The following DENND4A variants were observed in gnomAD, a reference collection of about 807,000 sequenced individuals.
DENND4A encodes C-myc promoter-binding protein.
A neutral mutation model predicts 199.3 loss-of-function variants in DENND4A; 70 were observed. The ratio of observed to expected loss-of-function variants is 0.35; its 90% CI spans 0.29 to 0.43. The LOEUF (loss-of-function observed/expected upper bound fraction) is 0.43. Ranked by LOEUF, DENND4A falls within the 20% of genes least tolerant of loss-of-function variation. The probability of loss-of-function intolerance (pLI) is 1.00; values close to 1 mark genes in which losing one functional copy is unlikely to be tolerated. For missense variants in DENND4A, 1,723 were observed against 2,255.8 expected (o/e 0.76, Z 4.78); for synonymous variants, 686 against 766.9 (o/e 0.89, Z 1.74).
At chr15:65,686,161 G>A (rs1180109916) in intron 23 of DENND4A, among the ~76,000 whole-genome samples, 2 of 152,110 alleles carry the variant, frequency 1.3e-5, no homozygotes, top group Admixed American at 6.5e-5. Context: ...CATGAACATG[G>A]CATGTCTCTC....
intron 24 of DENND4A, among the ~76,000 whole-genome samples, chr15:65,675,659 T>C (rs2076350932): frequency 1.3e-5 from 2 of 152,072 alleles, no homozygotes; most frequent in African/African-American, 4.8e-5. Context: ...CAACTTCATT[T>C]ATAAGAGAAA....
At chr15:65,781,702 C>T (rs956925405) in intron 1 of DENND4A, among the ~76,000 whole-genome samples, 2 of 151,986 alleles carry the variant, frequency 1.3e-5, no homozygotes, top group African/African-American at 4.8e-5. Context: ...GAAGTGAAGG[C>T]GATAAATAAA....
At chr15:65,676,857 A>G (rs78048250) in intron 23 of DENND4A, among the ~76,000 whole-genome samples, 5,462 of 152,312 alleles carry the variant, frequency 0.036, 329 homozygotes, top group African/African-American at 0.12. Context: ...TAGTTACAGC[A>G]AAGTATATAC....
chr15:65,746,723 A>C (rs1468491631), intron 4 of DENND4A, among the ~76,000 whole-genome samples: 1 of 151,846 alleles, frequency 6.6e-6, no homozygotes, highest in Non-Finnish European at 1.5e-5. Flanking sequence ...AAATGCTGAC[A>C]TTCTTGGACA....
At chr15:65,775,641 A>AAAG (rs2077265583) in intron 1 of DENND4A, among the ~76,000 whole-genome samples, 1 of 147,184 alleles carries the variant, frequency 6.8e-6, no homozygotes, top group Non-Finnish European at 1.5e-5. Flanking sequence ...ACTCCTCAAA[A>AAAG]AAAAAAAAAA....
chr15:65,737,349 G>A (rs1370552716), intron 7 of DENND4A, among the ~76,000 whole-genome samples: 3 of 151,978 alleles, frequency 2.0e-5, no homozygotes, highest in Non-Finnish European at 4.4e-5. Context: ...GTGAACTATT[G>A]CACTCAGCCC....
chr15:65,748,750 G>C (rs1229488606), intron 4 of DENND4A, among the ~76,000 whole-genome samples: 1 of 151,986 alleles, frequency 6.6e-6, no homozygotes, highest in African/African-American at 2.4e-5. Context: ...AGCACTTTGG[G>C]GGACTGAAGA....
chr15:65,695,325 G>A (rs1291357505), intron 22 of DENND4A, among the ~76,000 whole-genome samples: 2 of 152,132 alleles, frequency 1.3e-5, no homozygotes, highest in Non-Finnish European at 2.9e-5. Context: ...GTAAATGAAT[G>A]AGCATGTCTG....
chr15:65,669,633 C>A, intron 27 of DENND4A, 146 bp downstream of exon 27: 1 of 675,738 alleles, frequency 1.5e-6, no homozygotes, highest in Non-Finnish European at 2.4e-6. Context: ...AATTTTAACA[C>A]TGTTTTAAGA....
In DENND4A at chr15:65,756,445, A is replaced by C; in HGVS notation, c.6T>G (p.Ile2Met). 6.2e-7 allele frequency: 1 copy of C among 1,603,376 alleles called. No homozygotes were observed. Among genetic ancestry groups the C allele is most frequent in the Non-Finnish European group, 8.5e-7 (1 of 1,175,810 alleles). The change falls in exon 3 of 33, where the codon ATT becomes ATG. Residue 2 changes from isoleucine to methionine, a missense_variant. Physicochemically the swap from Ile to Met is conservative, Grantham distance 10. Coordinates refer to ENST00000443035, the MANE Select transcript of DENND4A (RefSeq NM_001320835.1). M[I>M]EDKGPRVADY... is the part of the protein sequence containing the mutation. ...CAGCAACACGAGGCCCCTTGTCTTC[A>C]ATCATCTTCCATTACAGAAGGTTAC...
chr15:65,683,889 A>G (rs1019486310), intron 23 of DENND4A, among the ~76,000 whole-genome samples: 7 of 152,178 alleles, frequency 4.6e-5, no homozygotes, highest in Admixed American at 1.3e-4. Flanking sequence ...GTTAATCTCC[A>G]TTGCCTTCCT....
chr15:65,748,664 A>T (rs1218524431), intron 4 of DENND4A, among the ~76,000 whole-genome samples: 1 of 151,430 alleles, frequency 6.6e-6, no homozygotes, highest in Non-Finnish European at 1.5e-5. Flanking sequence ...AAAAAGAAAG[A>T]AAGAAATTAA....
intron 23 of DENND4A, among the ~76,000 whole-genome samples, chr15:65,689,447 G>A (rs1424202418): frequency 4.6e-5 from 7 of 152,134 alleles, no homozygotes; most frequent in Non-Finnish European, 1.0e-4. Context: ...TCCAGAAAAG[G>A]TACAATCTTT....
rs545750697 is a variant in DENND4A, at chr15:65,683,716, G to C, written c.4179+6699C>G. Among the ~76,000 whole-genome samples, 188 of 152,238 alleles carry C rather than the reference G, an allele frequency of 1.2e-3. 2 individuals carry two copies. The highest frequency in any genetic ancestry group is 4.4e-3 in the African/African-American group (181 of 41,538). On this transcript the variant is annotated intron_variant, in intron 23 of 32. Coordinates refer to ENST00000443035, the MANE Select transcript of DENND4A (RefSeq NM_001320835.1). The stretch of plus-strand genomic sequence containing the variant: ...TCTATTGTGGTCAGAAAATATGCTT[G>C]ATTTAAAAGAAACCTTATTGGGGCT...
chr15:65,771,142 A>G, intron 1 of DENND4A: 1 of 1,546,464 alleles, frequency 6.5e-7, no homozygotes, highest in Non-Finnish European at 8.7e-7. Context: ...AATAAAGAGT[A>G]CGCTAAAAGG....
chr15:65,739,671 A>G lies in DENND4A; in HGVS notation c.632-796T>C, dbSNP rs148654446. 1.9e-3 allele frequency among the ~76,000 whole-genome samples: 289 copies of G among 152,326 alleles called. 1 individual carries two copies. The highest frequency in any genetic ancestry group is 6.5e-3 in the African/African-American group (272 of 41,574). On this transcript the variant is annotated intron_variant, in intron 5 of 32. Coordinates refer to ENST00000443035, the MANE Select transcript of DENND4A (RefSeq NM_001320835.1). ...AGTGGTTGTTGGTTCTGCCACTAATATATCTGTGGCTTTGGACAAATGACA... is the reference window on the plus strand; with the variant it reads ...AGTGGTTGTTGGTTCTGCCACTAATGTATCTGTGGCTTTGGACAAATGACA...
intron 14 of DENND4A, among the ~76,000 whole-genome samples, chr15:65,712,761 C>A (rs1567034726): frequency 1.3e-5 from 2 of 152,022 alleles, no homozygotes; most frequent in Non-Finnish European, 1.5e-5. Context: ...TTCACAGTCA[C>A]ATAAATTTGA....
intron 11 of DENND4A, among the ~76,000 whole-genome samples, chr15:65,724,216 C>T (rs72741250): frequency 0.21 from 32,444 of 151,864 alleles, 3,959 homozygotes; most frequent in African/African-American, 0.33. Flanking sequence ...GCGCGCACCC[C>T]TACAGCCTGC....
intron 29 of DENND4A, among the ~76,000 whole-genome samples, chr15:65,666,402 C>T (rs985905082): frequency 6.6e-5 from 10 of 152,184 alleles, no homozygotes; most frequent in South Asian, 4.2e-4. Context: ...GCATACACAG[C>T]GTGGATACAC....
Sources: allele counts gnomAD v4.1 joint callset (sites outside exome capture counted in the v4.1 genomes callset), GRCh38; gene constraint gnomAD v4.1.1; transcripts MANE v1.5; gene names NCBI Gene and HGNC (gene_info 2026-07-23, HGNC 2026-07-21).